The following AKT3 variants were observed in gnomAD, a reference collection of about 807,000 sequenced individuals.
The protein encoded by AKT3 is AKT serine/threonine kinase 3.
AKT3 carries 15 observed loss-of-function variants against 65.3 expected under a neutral mutation model. That is an observed-to-expected ratio of 0.23 (90% CI 0.15 to 0.35). AKT3 has a LOEUF of 0.35. Among genes scored for constraint, AKT3 ranks in the 10% least tolerant of loss-of-function variants. The probability of loss-of-function intolerance (pLI) is 1.00; values close to 1 mark genes in which losing one functional copy is unlikely to be tolerated. For missense variants in AKT3, 243 were observed against 576.5 expected, an observed-to-expected ratio of 0.42 and a Z score of 5.92; for synonymous variants, 206 against 183.8, an observed-to-expected ratio of 1.12 and a Z score of -0.98.
rs149750113 is a variant in AKT3 at position 243,782,578 on chromosome 1, C to G, written c.46+60547G>C. On this transcript the variant is annotated intron_variant, in intron 2 of 13. Transcript: ENST00000673466. Reference sequence around the variant, plus strand: ...CACTATCATATCCGGGATTAGGTTTCGACATAGGAATTTGGGGAGGTAGGG... The same window carrying G: ...CACTATCATATCCGGGATTAGGTTTGGACATAGGAATTTGGGGAGGTAGGG... Among the ~76,000 whole-genome samples the G allele has an allele frequency of 1.5e-3, 228 of 152,088 alleles. 1 individual carries two copies. The highest frequency in any genetic ancestry group is 5.3e-3 in the African/African-American group (220 of 41,456).
At chr1:243,615,310 T>A in intron 6 of AKT3, 149 bp from the exon 7 acceptor site, 1 of 501,260 alleles carries the variant, frequency 2.0e-6, no homozygotes, top group Non-Finnish European at 3.5e-6. Context: ...CACTCAGCAT[T>A]CTCTCCACCA....
intron 2 of AKT3, among the ~76,000 whole-genome samples, chr1:243,740,280 C>G (rs1317429245): frequency 2.0e-5 from 3 of 152,178 alleles, no homozygotes; most frequent in African/African-American, 7.2e-5. Flanking sequence ...ACCTGAGTAA[C>G]AGAGTAAATT....
At chr1:243,810,373 T>C (rs1307298319) in intron 2 of AKT3, among the ~76,000 whole-genome samples, 1 of 152,064 alleles carries the variant, frequency 6.6e-6, no homozygotes, top group Non-Finnish European at 1.5e-5. Flanking sequence ...AAATACAAAC[T>C]ACTATCAGAG....
intron 2 of AKT3, among the ~76,000 whole-genome samples, chr1:243,821,549 C>G (rs181249408): frequency 4.6e-5 from 7 of 152,242 alleles, no homozygotes; most frequent in Non-Finnish European, 4.4e-5. Flanking sequence ...ATCTCATGGG[C>G]AAAGACACAC....
intron 13 of AKT3, among the ~76,000 whole-genome samples, chr1:243,491,881 CAGCCTGGATGAGTTAAGCTTAACTTA>C (rs1666506784): frequency 6.6e-6 from 1 of 152,200 alleles, no homozygotes; most frequent in Non-Finnish European, 1.5e-5. Flanking sequence ...TCCGTTTTCT[CAGCCTGGATGAGTTAAGCTTAACTTA>C]ATTTTGCATG....
chr1:243,625,924 G>A (rs2148631374), intron 6 of AKT3, among the ~76,000 whole-genome samples: 1 of 152,294 alleles, frequency 6.6e-6, no homozygotes, highest in South Asian at 2.1e-4. Flanking sequence ...AAAAGCCACT[G>A]TAAAATTTGT....
Position 243,545,500 on chromosome 1 carries a change from G to T in AKT3, c.1251+10C>A, listed in dbSNP as rs183487546. The stretch of plus-strand genomic sequence containing the variant: ...AAATATATACACACTATGCCATAAA[G>T]AAATCTTACCTTTTTATCATATACA... On this transcript the variant is annotated intron_variant, in intron 12 of 13. Coordinates refer to ENST00000673466, the MANE Select transcript of AKT3 (RefSeq NM_005465.7). 2 of 1,569,748 alleles carry T rather than the reference G, an allele frequency of 1.3e-6. No homozygotes were observed. The highest frequency in any genetic ancestry group is 2.7e-5 in the African/African-American group (2 of 74,014).
chr1:243,723,106 T>G (rs1687012496), intron 2 of AKT3, among the ~76,000 whole-genome samples: 1 of 152,206 alleles, frequency 6.6e-6, no homozygotes, highest in Non-Finnish European at 1.5e-5. Flanking sequence ...TCTGAGGGAT[T>G]ATTACAAAGC....
At chr1:243,623,996 A>T (rs1372225760) in intron 6 of AKT3, among the ~76,000 whole-genome samples, 1 of 152,156 alleles carries the variant, frequency 6.6e-6, no homozygotes, top group Non-Finnish European at 1.5e-5. Context: ...TTTAATCTGT[A>T]CTTTTCACTA....
intron 2 of AKT3, among the ~76,000 whole-genome samples, chr1:243,718,201 A>G (rs1686630842): frequency 1.3e-5 from 2 of 152,154 alleles, no homozygotes; most frequent in South Asian, 4.1e-4. Context: ...AGCTGAAGCA[A>G]TTATGAACAG....
At chr1:243,552,971 AT>A in intron 10 of AKT3, 28 bp from the exon 11 acceptor site, 1 of 1,478,060 alleles carries the variant, frequency 6.8e-7, no homozygotes, top group Non-Finnish European at 9.2e-7. Context: ...AAAAAGATTA[AT>A]TATTACATGT....
intron 2 of AKT3, among the ~76,000 whole-genome samples, chr1:243,766,324 G>A (rs990386625): frequency 1.1e-4 from 17 of 152,042 alleles, no homozygotes; most frequent in Non-Finnish European, 2.1e-4. Flanking sequence ...ATCCCAGGGG[G>A]AGAAAGAAAA....
chr1:243,658,297 T>G (rs185210141), intron 4 of AKT3, among the ~76,000 whole-genome samples: 1 of 152,124 alleles, frequency 6.6e-6, no homozygotes, highest in African/African-American at 2.4e-5. Flanking sequence ...GGCAAAAGAC[T>G]TGAATAGACA....
intron 12 of AKT3, among the ~76,000 whole-genome samples, chr1:243,532,476 G>A (rs969542910): frequency 5.3e-5 from 8 of 151,980 alleles, no homozygotes; most frequent in South Asian, 4.1e-4. Context: ...ATTTCTATAC[G>A]TTGAACATCC....
At chr1:243,720,905 G>A (rs187549568) in intron 2 of AKT3, among the ~76,000 whole-genome samples, 134 of 152,164 alleles carry the variant, frequency 8.8e-4, no homozygotes, top group African/African-American at 3.1e-3. Context: ...GGCAAATAGG[G>A]CTAATGCTGG....
chr1:243,845,107 T>A (rs1695455778), intron 1 of AKT3, among the ~76,000 whole-genome samples: 1 of 152,140 alleles, frequency 6.6e-6, no homozygotes, highest in Non-Finnish European at 1.5e-5. Context: ...TAAATTAGAC[T>A]ACAGGTCATT....
Position 243,500,701 on chromosome 1 carries a change from A to G in AKT3, c.*4548T>C, listed in dbSNP as rs962559726. ...CCAGCGAGCCATCATCCTCATCACC[A>G]TCTCAACACAGAGCTGATGTCACCA... On this transcript the variant is annotated 3_prime_UTR_variant, in exon 14 of 14. Coordinates refer to ENST00000673466, the MANE Select transcript of AKT3 (RefSeq NM_005465.7). 8.9e-6 allele frequency: 2 copies of G among 225,696 alleles called. No individual in the cohort carries two copies. Among genetic ancestry groups the G allele is most frequent in the African/African-American group, 4.5e-5 (2 of 44,870 alleles). 14.0% of individuals were successfully genotyped at this position (225,696 alleles called of 1,614,324 possible). A position where few individuals can be genotyped will look rare whatever the true frequency, so the allele number is the denominator to read the frequency against.
At chr1:243,769,854 T>C (rs1459328244) in intron 2 of AKT3, among the ~76,000 whole-genome samples, 3 of 152,224 alleles carry the variant, frequency 2.0e-5, no homozygotes, top group Non-Finnish European at 4.4e-5. Flanking sequence ...ATTGACTGCT[T>C]GTGCTTTTGG....
intron 12 of AKT3, among the ~76,000 whole-genome samples, chr1:243,524,821 A>G (rs901631910): frequency 3.3e-5 from 5 of 152,206 alleles, no homozygotes; most frequent in African/African-American, 9.7e-5. Flanking sequence ...AGACATGAAA[A>G]CAATCTAAAG....
Sources: gnomAD v4.1 joint callset for allele counts (sites outside exome capture counted in the v4.1 genomes callset) on GRCh38, gnomAD v4.1.1 for gene constraint, MANE v1.5 for transcripts, NCBI Gene and HGNC (gene_info 2026-07-23, HGNC 2026-07-21) for gene names.